MYO19: variants seen among roughly 807,000 people sequenced by gnomAD.
The protein encoded by MYO19 is myosin XIX.
MYO19 carries 132 observed loss-of-function variants against 129.2 expected under a neutral mutation model. The observed-to-expected ratio is 1.02, with a 90% CI of 0.89 to 1.18. The LOEUF (loss-of-function observed/expected upper bound fraction) is 1.18. MYO19 is among the 50% of genes most tolerant of loss of function. The pLI is 0.00. For missense variants in MYO19, 1,210 were observed against 1,216.7 expected, an observed-to-expected ratio of 0.99 and a Z score of 0.08; for synonymous variants, 531 against 477.2, an observed-to-expected ratio of 1.11 and a Z score of -1.47.
At chr17:36,510,406 T>G (rs1174926562) in intron 13 of MYO19, among the ~76,000 whole-genome samples, 1 of 152,194 alleles carries the variant, frequency 6.6e-6, no homozygotes, top group Admixed American at 6.5e-5. Flanking sequence ...CTGCGAAGGC[T>G]CTAGATCACC....
At chr17:36,514,327 C>T in intron 9 of MYO19, 119 bp downstream of exon 9, 1 of 711,086 alleles carries the variant, frequency 1.4e-6, no homozygotes, top group Non-Finnish European at 2.5e-6. Flanking sequence ...AAAGTGGTGG[C>T]TCCATCAAAA....
At chr17:36,516,639 T>C (rs377499973) in intron 6 of MYO19, among the ~76,000 whole-genome samples, 221 of 152,342 alleles carry the variant, frequency 1.5e-3, no homozygotes, top group African/African-American at 5.2e-3. Flanking sequence ...CAAAGTGGGA[T>C]TACAGGTGTG....
chr17:36,527,518 G>T, intron 5 of MYO19, 33 bp downstream of exon 5: 1 of 1,605,172 alleles, frequency 6.2e-7, no homozygotes, highest in Non-Finnish European at 8.5e-7. Context: ...AGGTAGAGGA[G>T]CCCTGAGGCC....
At chr17:36,510,691 C>A (rs2072256676) in intron 13 of MYO19, 55 bp downstream of exon 13, 1 of 1,520,806 alleles carries the variant, frequency 6.6e-7, no homozygotes, top group South Asian at 1.3e-5. Context: ...CAACCCCGGA[C>A]AGGAAGAGCA....
At chr17:36,499,664 C>CTTTTTTCTTTTTTTTTTTTTTTTTTT (rs2071346235) in intron 23 of MYO19, 3 of 62,632 alleles carry the variant, frequency 4.8e-5, no homozygotes, top group African/African-American at 2.0e-4. Context: ...CTTTTTGTTT[C>CTTTTTTCTTTTTTTTTTTTTTTTTTT]TTTTTTTTTT....
At chr17:36,528,490 G>A (rs1297849008) in intron 3 of MYO19, among the ~76,000 whole-genome samples, 4 of 148,992 alleles carry the variant, frequency 2.7e-5, no homozygotes, top group Non-Finnish European at 4.4e-5. Flanking sequence ...CAGCCTGGGC[G>A]ACAGAGCAAG....
chr17:36,513,544 A>G (rs2072518066), intron 10 of MYO19, 39 bp from the exon 11 acceptor site: 1 of 1,613,716 alleles, frequency 6.2e-7, no homozygotes, highest in Non-Finnish European at 8.5e-7. Flanking sequence ...GGTCAGCAGC[A>G]GCAAGATGCG....
At chr17:36,497,312 A>C (rs1176776543) in intron 25 of MYO19, among the ~76,000 whole-genome samples, 1 of 149,956 alleles carries the variant, frequency 6.7e-6, no homozygotes, top group African/African-American at 2.5e-5. Context: ...CAAAAAATTA[A>C]ATAACATGAA....
intron 11 of MYO19, among the ~76,000 whole-genome samples, chr17:36,511,685 G>A (rs543622740): frequency 7.2e-5 from 11 of 152,322 alleles, no homozygotes; most frequent in African/African-American, 2.4e-4. Flanking sequence ...TGATAGAGAT[G>A]AGACTGAGGA....
At chr17:36,537,385 A>G, upstream of MYO19, 2 of 1,613,916 alleles carry the variant, frequency 1.2e-6, no homozygotes, top group Non-Finnish European at 8.5e-7. Flanking sequence ...GGGCTGTTGT[A>G]TCAAATATAC....
upstream of MYO19, chr17:36,538,622 A>T: frequency 6.4e-7 from 1 of 1,570,660 alleles, no homozygotes; most frequent in Non-Finnish European, 8.7e-7. Flanking sequence ...GGTGATCAGC[A>T]GGAGTAGGAT....
In MYO19 at chr17:36,513,468, A is replaced by G. The variant is rs533029638; in HGVS notation, c.855T>C (p.His285=). Residue 285 remains histidine (H), a synonymous_variant, in exon 11 of 26, where the codon CAT becomes CAC. Coordinates refer to ENST00000614623, the MANE Select transcript of MYO19 (RefSeq NM_001163735.2). The part of the protein sequence containing the change: ...CFEVTREAML[H]LGIDTPTQNN... The stretch of plus-strand genomic sequence containing the variant: ...TCTGGGTAGGGGTGTCAATGCCCAA[A>G]TGGAGCATGGCCTCTCTGGTCACCT... The G allele has an allele frequency of 8.7e-6, 14 of 1,613,878 alleles. No homozygotes were observed. The highest frequency in any genetic ancestry group is 1.1e-5 in the Non-Finnish European group (13 of 1,179,892).
At chr17:36,498,173 C>G in intron 25 of MYO19, 93 bp downstream of exon 25, 1 of 1,426,418 alleles carries the variant, frequency 7.0e-7, no homozygotes, top group Non-Finnish European at 9.5e-7. Context: ...TGGATCTTGT[C>G]CCAGCCTCAG....
chr17:36,507,665 C>A, intron 15 of MYO19, 138 bp downstream of exon 15: 1 of 1,248,872 alleles, frequency 8.0e-7, no homozygotes. Context: ...TCCATATGTG[C>A]AATTATTATT....
At position 36,533,942 on chromosome 17, in the gene MYO19, G is replaced by C. The variant is rs2073976534; in HGVS notation, c.-144+11C>G. 6.6e-6 allele frequency: 1 copy of C among 152,252 alleles called. No homozygotes were observed. The highest frequency in any genetic ancestry group is 2.4e-5 in the African/African-American group (1 of 41,460). 9.4% of individuals were successfully genotyped at this position (152,252 alleles called of 1,614,324 possible). On this transcript the variant is annotated intron_variant, in intron 2 of 25. Transcript: ENST00000614623. The stretch of plus-strand genomic sequence containing the variant: ...TCACGGGGCTAAATGAAGCGTTAAA[G>C]GGGCTAATACCTGTGAAAGCGCTCT...
At chr17:36,501,327 C>T (rs1347102666) in intron 21 of MYO19, 92 bp from the exon 22 acceptor site, 3 of 1,337,374 alleles carry the variant, frequency 2.2e-6, no homozygotes, top group South Asian at 2.9e-5. Flanking sequence ...TAGCACTCTA[C>T]AGGTCTCTTT....
Position 36,507,157 on chromosome 17 carries a change from G to A in MYO19, c.1468-18C>T. On this transcript the variant is annotated intron_variant, in intron 16 of 25. Coordinates refer to ENST00000614623, the MANE Select transcript of MYO19 (RefSeq NM_001163735.2). Reference sequence around the variant, plus strand: ...CGGCATTCCTGTGGGATGGGAACAGGGGGTCAGCCACCAACATGAGAGTGT... The same window carrying A: ...CGGCATTCCTGTGGGATGGGAACAGAGGGTCAGCCACCAACATGAGAGTGT... 6.3e-7 allele frequency: 1 copy of A among 1,591,750 alleles called. No homozygotes were observed. Among genetic ancestry groups the A allele is most frequent in the South Asian group, 1.1e-5 (1 of 89,206 alleles).
upstream of MYO19, chr17:36,534,944 G>A (rs1034021554): frequency 6.6e-6 from 1 of 152,320 alleles, no homozygotes; most frequent in Non-Finnish European, 1.5e-5. Flanking sequence ...GCACTGCTAA[G>A]TGGCCGGGGG....
At chr17:36,511,186 G>C in intron 12 of MYO19, 179 bp downstream of exon 12, 2 of 693,620 alleles carry the variant, frequency 2.9e-6, no homozygotes, top group East Asian at 2.7e-5. Context: ...AGATGGGGAC[G>C]ATACTGTCTG....
Sources: gnomAD v4.1 joint callset for allele counts (sites outside exome capture counted in the v4.1 genomes callset) on GRCh38, gnomAD v4.1.1 for gene constraint, MANE v1.5 for transcripts, NCBI Gene and HGNC (gene_info 2026-07-23, HGNC 2026-07-21) for gene names.